Variants in TDP1 observed in about 807,000 individuals in gnomAD.
The protein encoded by TDP1 is tyrosyl-DNA phosphodiesterase 1, also known as tyr-DNA phosphodiesterase 1.
In TDP1, 64 loss-of-function variants were observed where a neutral mutation model predicts 81.5. The observed-to-expected ratio is 0.79, with a 90% CI of 0.64 to 0.97. The LOEUF (loss-of-function observed/expected upper bound fraction) is 0.97, where lower values mean the gene tolerates loss of function less well. Among genes scored for constraint, TDP1 ranks in the 50% least tolerant of loss-of-function variants. TDP1 has a pLI of 0.00. For missense variants in TDP1, 723 were observed against 743.8 expected (o/e 0.97, Z 0.33); for synonymous variants, 256 against 264.3 (o/e 0.97, Z 0.30).
At chr14:90,015,221 G>A (rs1451183275) in intron 14 of TDP1, among the ~76,000 whole-genome samples, 4 of 152,178 alleles carry the variant, frequency 2.6e-5, no homozygotes, top group Admixed American at 6.5e-5. Flanking sequence ...TCCTGATTCA[G>A]GGTCCAGGGC....
At chr14:89,991,871 CAA>C (rs1477890903) in intron 12 of TDP1, 44 bp from the exon 13 acceptor site, 7 of 1,546,112 alleles carry the variant, frequency 4.5e-6, no homozygotes, top group Non-Finnish European at 6.2e-6. Flanking sequence ...GAGGGATCCT[CAA>C]ATTATATTTC....
At chr14:90,032,324 T>C (rs1358777184) in intron 15 of TDP1, among the ~76,000 whole-genome samples, 2 of 152,030 alleles carry the variant, frequency 1.3e-5, no homozygotes, top group African/African-American at 4.8e-5. Flanking sequence ...TATGTGCCTA[T>C]TGAGGATTTG....
intron 6 of TDP1, among the ~76,000 whole-genome samples, chr14:89,973,308 C>T (rs562549288): frequency 6.6e-6 from 1 of 152,330 alleles, no homozygotes; most frequent in African/African-American, 2.4e-5. Flanking sequence ...CACAGAAATC[C>T]TGAAAACCAG....
chr14:90,023,846 A>AT (rs1223209061), intron 15 of TDP1, among the ~76,000 whole-genome samples: 1 of 151,892 alleles, frequency 6.6e-6, no homozygotes, highest in African/African-American at 2.4e-5. Flanking sequence ...TGACTTGTTA[A>AT]TTTTTCTGTA....
chr14:90,033,241 G>T (rs548434837), intron 16 of TDP1, 27 bp downstream of exon 16: 4 of 1,281,670 alleles, frequency 3.1e-6, no homozygotes, highest in Non-Finnish European at 4.6e-6. Flanking sequence ...GGAAAACCAC[G>T]GGTGGATATG....
At chr14:89,982,475 T>C (rs1031765414) in intron 8 of TDP1, among the ~76,000 whole-genome samples, 4 of 152,168 alleles carry the variant, frequency 2.6e-5, no homozygotes. Context: ...ACAATGTTAC[T>C]AAAGGGATTT....
intron 6 of TDP1, among the ~76,000 whole-genome samples, chr14:89,973,074 T>C (rs1024560892): frequency 1.1e-4 from 16 of 152,210 alleles, no homozygotes; most frequent in African/African-American, 3.9e-4. Flanking sequence ...AGTTTAAACA[T>C]ACCTCACAAC....
At chr14:89,984,195 A>G (rs759281408) in intron 8 of TDP1, 63 of 985,300 alleles carry the variant, frequency 6.4e-5, no homozygotes, top group Middle Eastern at 5.2e-4. Flanking sequence ...AAAGCAATAT[A>G]TAGGTGCAGA....
intron 4 of TDP1, among the ~76,000 whole-genome samples, chr14:89,966,595 C>G (rs979028789): frequency 1.3e-5 from 2 of 152,202 alleles, no homozygotes; most frequent in Non-Finnish European, 2.9e-5. Flanking sequence ...TGTGAATTTT[C>G]ATGTTCAGTG....
intron 15 of TDP1, chr14:90,023,100 A>C (rs751223172): frequency 1.3e-6 from 1 of 760,492 alleles, no homozygotes; most frequent in South Asian, 1.4e-5. Context: ...TAAGCTGAGG[A>C]AACAGACACT....
chr14:90,019,276 C>T, intron 14 of TDP1, 40 bp from the exon 15 acceptor site: 1 of 1,408,536 alleles, frequency 7.1e-7, no homozygotes, highest in South Asian at 1.2e-5. Context: ...CACTGAGATG[C>T]CTCCCTGAGT....
At chr14:90,023,988 C>T (rs191970101) in intron 15 of TDP1, among the ~76,000 whole-genome samples, 2 of 152,304 alleles carry the variant, frequency 1.3e-5, no homozygotes, top group African/African-American at 4.8e-5. Flanking sequence ...CCTCTGAACA[C>T]CCCCGCAACA....
At position 89,971,162 on chromosome 14, in the gene TDP1, GCT is replaced by G; in HGVS notation, c.660-8_660-7del. ...TGAATGATGTATATTAAATACTAAT[GCT>G]CTCTTTTTAGGAAGAAGCCAATCCT... On this transcript the variant is annotated splice_polypyrimidine_tract_variant and intron_variant, in intron 5 of 16. Coordinates refer to ENST00000335725, the MANE Select transcript of TDP1 (RefSeq NM_018319.4). 6.2e-7 allele frequency: 1 copy of G among 1,608,726 alleles called. No individual in the cohort carries two copies. Among genetic ancestry groups the G allele is most frequent in the Non-Finnish European group, 8.5e-7 (1 of 1,175,518 alleles).
intron 14 of TDP1, among the ~76,000 whole-genome samples, chr14:90,009,350 G>A (rs1049486590): frequency 4.6e-5 from 7 of 152,194 alleles, no homozygotes; most frequent in African/African-American, 1.7e-4. Context: ...TGACCAGAGA[G>A]GTTGAAAGCA....
At chr14:90,005,165 C>A (rs1897551658) in intron 14 of TDP1, among the ~76,000 whole-genome samples, 1 of 152,182 alleles carries the variant, frequency 6.6e-6, no homozygotes, top group Non-Finnish European at 1.5e-5. Context: ...TGCTCTGCAG[C>A]CACACTCTTA....
At chr14:90,029,199 T>TTC (rs1164055844) in intron 15 of TDP1, among the ~76,000 whole-genome samples, 1 of 149,270 alleles carries the variant, frequency 6.7e-6, no homozygotes, top group African/African-American at 2.5e-5. Flanking sequence ...CCATTATTTT[T>TTC]TTTTTTTTTT....
At position 89,966,606 on chromosome 14, in the gene TDP1, G is replaced by T. The variant is rs555118880; in HGVS notation, c.603+416G>T. Among the ~76,000 whole-genome samples, 26 of 152,296 alleles carry T rather than the reference G, an allele frequency of 1.7e-4. No homozygotes were observed. In the South Asian group the frequency reaches 3.9e-3, roughly 23 times the overall value. ...AAAATGTGAATTTTCATGTTCAGTG[G>T]CTCCTTCCTGACTGAGCTAGTCCCT... On this transcript the variant is annotated intron_variant, in intron 4 of 16. Coordinates refer to ENST00000335725, the MANE Select transcript of TDP1 (RefSeq NM_018319.4).
intron 5 of TDP1, among the ~76,000 whole-genome samples, chr14:89,969,792 G>A (rs1389279172): frequency 6.6e-6 from 1 of 152,062 alleles, no homozygotes; most frequent in Non-Finnish European, 1.5e-5. Flanking sequence ...GATAAATGTG[G>A]AAGTGGGTCG....
intron 16 of TDP1, among the ~76,000 whole-genome samples, chr14:90,039,173 G>A (rs956802463): frequency 2.6e-5 from 4 of 152,196 alleles, no homozygotes; most frequent in African/African-American, 9.7e-5. Context: ...TATAGTCACA[G>A]ATTAATATGT....
Sources: gnomAD v4.1 joint callset for allele counts (sites outside exome capture counted in the v4.1 genomes callset) on GRCh38, gnomAD v4.1.1 for gene constraint, MANE v1.5 for transcripts, NCBI Gene and HGNC (gene_info 2026-07-23, HGNC 2026-07-21) for gene names.